The following NMNAT2 variants were observed in gnomAD, a reference collection of about 807,000 sequenced individuals.
The protein encoded by NMNAT2 is nicotinamide nucleotide adenylyltransferase 2.
In NMNAT2, 11 loss-of-function variants were observed where a neutral mutation model predicts 41.6. That is an observed-to-expected ratio of 0.26 (90% CI 0.17 to 0.44). NMNAT2 has a LOEUF of 0.44. NMNAT2 is among the 20% of genes least tolerant of loss of function. The pLI, the probability that NMNAT2 is intolerant of heterozygous loss-of-function variation, is 1.00. For missense variants in NMNAT2, 288 were observed against 407.7 expected, an observed-to-expected ratio of 0.71 and a Z score of 2.53; for synonymous variants, 148 against 151.2, an observed-to-expected ratio of 0.98 and a Z score of 0.16.
At chr1:183,302,126 T>C (rs1402062539) in intron 1 of NMNAT2, among the ~76,000 whole-genome samples, 2 of 152,224 alleles carry the variant, frequency 1.3e-5, no homozygotes, top group Non-Finnish European at 2.9e-5. Context: ...ATCATCCCTG[T>C]GGCCTACTAA....
At chr1:183,401,390 G>GC (rs1648803870) in intron 1 of NMNAT2, among the ~76,000 whole-genome samples, 1 of 152,136 alleles carries the variant, frequency 6.6e-6, no homozygotes, top group Non-Finnish European at 1.5e-5. Flanking sequence ...AGTTAGAATG[G>GC]TGATCATTAA....
intron 1 of NMNAT2, among the ~76,000 whole-genome samples, chr1:183,341,526 A>C (rs1386407295): frequency 1.5e-4 from 6 of 39,764 alleles, no homozygotes; most frequent in South Asian, 1.4e-3. Flanking sequence ...AAAAATGCAA[A>C]AAAAAAAAAA....
chr1:183,405,422 A>C (rs940658231), intron 1 of NMNAT2, among the ~76,000 whole-genome samples: 2 of 152,220 alleles, frequency 1.3e-5, no homozygotes, highest in African/African-American at 4.8e-5. Flanking sequence ...ATATGTTTAG[A>C]ATTTTTCATA....
chr1:183,319,074 C>G (rs1359128581), intron 1 of NMNAT2, among the ~76,000 whole-genome samples: 2 of 152,196 alleles, frequency 1.3e-5, no homozygotes, highest in African/African-American at 4.8e-5. Flanking sequence ...CCCATACCCC[C>G]ACATACACAC....
intron 1 of NMNAT2, among the ~76,000 whole-genome samples, chr1:183,376,836 T>C (rs983824669): frequency 1.3e-5 from 2 of 152,194 alleles, no homozygotes; most frequent in Admixed American, 6.5e-5. Context: ...AGTGCCCATC[T>C]CCTTGGGCCT....
chr1:183,372,956 G>T (rs1663581682), intron 1 of NMNAT2, among the ~76,000 whole-genome samples: 1 of 152,212 alleles, frequency 6.6e-6, no homozygotes, highest in Non-Finnish European at 1.5e-5. Flanking sequence ...GGGGCCAAGT[G>T]TCTTTCATCT....
At chr1:183,385,182 AC>A (rs1648180884) in intron 1 of NMNAT2, among the ~76,000 whole-genome samples, 1 of 152,158 alleles carries the variant, frequency 6.6e-6, no homozygotes, top group African/African-American at 2.4e-5. Context: ...AATCTGGGTA[AC>A]AGAGTGAGAC....
intron 8 of NMNAT2, 152 bp downstream of exon 8, chr1:183,278,401 T>TG: frequency 1.7e-6 from 1 of 598,698 alleles, no homozygotes; most frequent in East Asian, 2.9e-5. Context: ...AGATAAAGCT[T>TG]GGGGGTAGGT....
chr1:183,378,357 G>A (rs1663722598), intron 1 of NMNAT2, among the ~76,000 whole-genome samples: 1 of 151,376 alleles, frequency 6.6e-6, no homozygotes. Flanking sequence ...TTGCATTATT[G>A]CACTCCAGCC....
intron 1 of NMNAT2, among the ~76,000 whole-genome samples, chr1:183,417,680 C>G (rs1649294292): frequency 6.6e-6 from 1 of 152,226 alleles, no homozygotes; most frequent in Non-Finnish European, 1.5e-5. Flanking sequence ...CTTGAAGCCC[C>G]AGCCCCTGTC....
intron 1 of NMNAT2, among the ~76,000 whole-genome samples, chr1:183,312,585 A>T (rs576690294): frequency 2.8e-4 from 43 of 151,644 alleles, no homozygotes; most frequent in Non-Finnish European, 4.7e-4. Flanking sequence ...AAAAAAAGAC[A>T]TATTGGTGAC....
At chr1:183,416,289 A>T (rs1265626786) in intron 1 of NMNAT2, among the ~76,000 whole-genome samples, 1 of 152,250 alleles carries the variant, frequency 6.6e-6, no homozygotes, top group Non-Finnish European at 1.5e-5. Flanking sequence ...CTGCTGGGTC[A>T]TCAAAGATTC....
At chr1:183,344,224 C>T (rs924192684) in intron 1 of NMNAT2, among the ~76,000 whole-genome samples, 2 of 152,140 alleles carry the variant, frequency 1.3e-5, no homozygotes, top group African/African-American at 2.4e-5. Context: ...GCGATTAATT[C>T]TCACAACCGC....
At chr1:183,351,336 C>T (rs1363154544) in intron 1 of NMNAT2, among the ~76,000 whole-genome samples, 1 of 152,170 alleles carries the variant, frequency 6.6e-6, no homozygotes, top group Non-Finnish European at 1.5e-5. Context: ...CCACAGGGCT[C>T]AGCTTTTTCC....
intron 4 of NMNAT2, 91 bp downstream of exon 4, chr1:183,290,037 C>G: frequency 2.9e-6 from 3 of 1,037,214 alleles, no homozygotes; most frequent in South Asian, 1.5e-5. Flanking sequence ...CAGCAGCACC[C>G]TCTCCTCTCC....
At chr1:183,287,303 T>A (rs1018714751) in intron 4 of NMNAT2, among the ~76,000 whole-genome samples, 1 of 151,936 alleles carries the variant, frequency 6.6e-6, no homozygotes, top group Admixed American at 6.6e-5. Flanking sequence ...TTGGGAAAGG[T>A]CATACAAACA....
chr1:183,394,535 A>G (rs1431929602), intron 1 of NMNAT2, among the ~76,000 whole-genome samples: 1 of 152,194 alleles, frequency 6.6e-6, no homozygotes, highest in Admixed American at 6.6e-5. Context: ...CATTATTTTC[A>G]GTGAAAGGCT....
chr1:183,398,115 C>T (rs1648707084), intron 1 of NMNAT2, among the ~76,000 whole-genome samples: 2 of 152,108 alleles, frequency 1.3e-5, no homozygotes, highest in South Asian at 2.1e-4. Flanking sequence ...CACAGACTGG[C>T]AAATTGGATA....
intron 1 of NMNAT2, among the ~76,000 whole-genome samples, chr1:183,341,748 C>CAAAAAAAACAAAAAAAAAA (rs369432128): frequency 1.3e-5 from 1 of 79,794 alleles, no homozygotes; most frequent in Non-Finnish European, 2.4e-5. Flanking sequence ...AAAAAAAAAA[C>CAAAAAAAACAAAAAAAAAA]CTGTTTCCTT....
Sources: gnomAD v4.1 joint callset for allele counts (sites outside exome capture counted in the v4.1 genomes callset) on GRCh38, gnomAD v4.1.1 for gene constraint, MANE v1.5 for transcripts, NCBI Gene and HGNC (gene_info 2026-07-23, HGNC 2026-07-21) for gene names.